AUTS2: variants seen among roughly 807,000 people sequenced by gnomAD.
The protein encoded by AUTS2 is autism susceptibility gene 2 protein.
In AUTS2, 17 loss-of-function variants were observed where a neutral mutation model predicts 112.4. The ratio of observed to expected loss-of-function variants is 0.15; its 90% CI spans 0.10 to 0.23. The LOEUF (loss-of-function observed/expected upper bound fraction) is 0.23, where lower values mean the gene tolerates loss of function less well. Among genes scored for constraint, AUTS2 ranks in the 10% least tolerant of loss-of-function variants. The probability of loss-of-function intolerance (pLI) is 1.00; values close to 1 mark genes in which losing one functional copy is unlikely to be tolerated. For missense variants in AUTS2, 1,510 were observed against 1,701.6 expected (o/e 0.89, Z 1.98); for synonymous variants, 751 against 702.7 (o/e 1.07, Z -1.09).
rs1165322944 is a variant in AUTS2 at position 69,654,355 on chromosome 7, A to G, written c.309+54393A>G. On this transcript the variant is annotated intron_variant, in intron 1 of 18. Transcript: ENST00000342771. ...TTTGCTGACATCTCCAAGGGGAAGG[A>G]GAGCACAGGCCCTTTCATATCCTGC... is the stretch of plus-strand genomic sequence containing the variant. Among the ~76,000 whole-genome samples, 10 of 152,202 alleles carry G rather than the reference A, an allele frequency of 6.6e-5. No individual in the cohort carries two copies. In the East Asian group the frequency reaches 1.9e-3, roughly 29 times the overall value.
At chr7:69,700,773 T>C (rs540403594) in intron 1 of AUTS2, among the ~76,000 whole-genome samples, 1 of 152,360 alleles carries the variant, frequency 6.6e-6, no homozygotes, top group East Asian at 1.9e-4. Context: ...GAATCTTTCA[T>C]AGACCAAGTT....
intron 18 of AUTS2, among the ~76,000 whole-genome samples, chr7:70,788,354 C>G (rs1791654796): frequency 1.3e-5 from 2 of 152,150 alleles, no homozygotes; most frequent in South Asian, 4.1e-4. Context: ...TTTGCAGGCT[C>G]TAAATGGGGC....
intron 2 of AUTS2, among the ~76,000 whole-genome samples, chr7:70,052,196 A>C (rs2129559428): frequency 6.6e-6 from 1 of 152,322 alleles, no homozygotes; most frequent in East Asian, 1.9e-4. Flanking sequence ...GCAATGACTA[A>C]ATCCTAGAAA....
intron 1 of AUTS2, among the ~76,000 whole-genome samples, chr7:69,696,547 G>A (rs145012424): frequency 6.6e-6 from 1 of 152,212 alleles, no homozygotes; most frequent in East Asian, 1.9e-4. Flanking sequence ...CTCTTATCTC[G>A]ATCTGCTCTT....
At chr7:69,615,321 G>T (rs1006282247) in intron 1 of AUTS2, among the ~76,000 whole-genome samples, 20 of 151,312 alleles carry the variant, frequency 1.3e-4, no homozygotes, top group Non-Finnish European at 2.4e-4. Context: ...ATTTTTTTTT[G>T]AGACAGAGTC....
At chr7:70,642,827 C>T (rs1328786737) in intron 5 of AUTS2, among the ~76,000 whole-genome samples, 1 of 152,144 alleles carries the variant, frequency 6.6e-6, no homozygotes, top group Non-Finnish European at 1.5e-5. Flanking sequence ...TCCTCTGGCT[C>T]CTTGTCTCTT....
At chr7:70,310,579 C>A (rs546805658) in intron 4 of AUTS2, among the ~76,000 whole-genome samples, 1 of 151,404 alleles carries the variant, frequency 6.6e-6, no homozygotes, top group East Asian at 2.0e-4. Flanking sequence ...AGCCACTGCA[C>A]TCCAGCCTGG....
At chr7:69,992,894 G>T (rs1214196099) in intron 2 of AUTS2, among the ~76,000 whole-genome samples, 2 of 152,152 alleles carry the variant, frequency 1.3e-5, no homozygotes, top group African/African-American at 4.8e-5. Flanking sequence ...AGAAGGAGAA[G>T]AAAAGAAATG....
chr7:70,322,259 T>C (rs1790290337), intron 4 of AUTS2, among the ~76,000 whole-genome samples: 1 of 152,182 alleles, frequency 6.6e-6, no homozygotes, highest in South Asian at 2.1e-4. Flanking sequence ...GCTTAGGAAA[T>C]TCTTTATAAA....
At chr7:70,003,709 GAATGTGTTATATATGAATATATAT>G (rs1799363478) in intron 2 of AUTS2, among the ~76,000 whole-genome samples, 1 of 123,864 alleles carries the variant, frequency 8.1e-6, no homozygotes, top group Non-Finnish European at 1.6e-5. Flanking sequence ...TAATATATAT[GAATGTGTTATATATGAATATATAT>G]AATATATATG....
intron 5 of AUTS2, among the ~76,000 whole-genome samples, chr7:70,681,823 A>C (rs1481085432): frequency 6.6e-6 from 1 of 152,074 alleles, no homozygotes; most frequent in Non-Finnish European, 1.5e-5. Flanking sequence ...CTCCCAGCAG[A>C]TCCAACCCTA....
At chr7:70,769,147 G>C (rs1341011437) in intron 10 of AUTS2, among the ~76,000 whole-genome samples, 3 of 152,162 alleles carry the variant, frequency 2.0e-5, no homozygotes, top group Non-Finnish European at 4.4e-5. Context: ...GGGGCATTTA[G>C]AAATAACGTA....
intron 1 of AUTS2, among the ~76,000 whole-genome samples, chr7:69,695,579 A>G (rs914279506): frequency 2.6e-5 from 4 of 152,208 alleles, no homozygotes; most frequent in African/African-American, 9.6e-5. Flanking sequence ...CACTTTAAAA[A>G]CAAAATTAAT....
intron 4 of AUTS2, among the ~76,000 whole-genome samples, chr7:70,429,769 G>A (rs1795577193): frequency 6.6e-6 from 1 of 151,970 alleles, no homozygotes; most frequent in Non-Finnish European, 1.5e-5. Context: ...CATTTTTCAA[G>A]AATTTGACTT....
intron 2 of AUTS2, among the ~76,000 whole-genome samples, chr7:70,069,329 A>G (rs1802643884): frequency 6.6e-6 from 1 of 152,214 alleles, no homozygotes; most frequent in Non-Finnish European, 1.5e-5. Context: ...GCCAAGCAAG[A>G]TTGTAGATAC....
chr7:70,363,529 T>C (rs966668889), intron 4 of AUTS2, among the ~76,000 whole-genome samples: 1 of 151,538 alleles, frequency 6.6e-6, no homozygotes, highest in African/African-American at 2.4e-5. Flanking sequence ...CTAAAATAAG[T>C]ATTAATTTCT....
chr7:70,140,859 T>C (rs1806824859), intron 4 of AUTS2, among the ~76,000 whole-genome samples: 1 of 152,246 alleles, frequency 6.6e-6, no homozygotes, highest in African/African-American at 2.4e-5. Flanking sequence ...GTTGGAAAAC[T>C]ACTCTCCAGA....
chr7:70,403,271 CA>C, intron 4 of AUTS2, among the ~76,000 whole-genome samples: 1 of 152,350 alleles, frequency 6.6e-6, no homozygotes, highest in Admixed American at 6.5e-5. Flanking sequence ...TAGCACACTG[CA>C]ACTTCTTGCC....
chr7:69,703,144 C>T (rs987335332), intron 1 of AUTS2, among the ~76,000 whole-genome samples: 2 of 152,164 alleles, frequency 1.3e-5, no homozygotes, highest in South Asian at 4.2e-4. Flanking sequence ...GGAGGGTGGA[C>T]GTTTTCATAG....
Sources: allele counts gnomAD v4.1 joint callset (sites outside exome capture counted in the v4.1 genomes callset), GRCh38; gene constraint gnomAD v4.1.1; transcripts MANE v1.5; gene names NCBI Gene and HGNC (gene_info 2026-07-23, HGNC 2026-07-21).